Variants in MACROD2 observed in about 807,000 individuals in gnomAD.
MACROD2 encodes the protein mono-ADP ribosylhydrolase 2, also known as ADP-ribose glycohydrolase MACROD2.
Under a neutral mutation model 70.4 loss-of-function variants are expected in MACROD2, and 36 were observed. The observed-to-expected ratio is 0.51, with a 90% CI of 0.39 to 0.68. The LOEUF is 0.68. Ranked by LOEUF, MACROD2 falls within the 30% of genes least tolerant of loss-of-function variation. The pLI, the probability that MACROD2 is intolerant of heterozygous loss-of-function variation, is 0.00. For synonymous variants in MACROD2, 172 were observed against 178.8 expected, an observed-to-expected ratio of 0.96 and a Z score of 0.30; for missense variants, 496 against 538.4, an observed-to-expected ratio of 0.92 and a Z score of 0.78.
intron 5 of MACROD2, among the ~76,000 whole-genome samples, chr20:14,790,689 C>A (rs1005123780): frequency 6.6e-6 from 1 of 152,054 alleles, no homozygotes; most frequent in African/African-American, 2.4e-5. Flanking sequence ...AAAGTAGACT[C>A]CAAAGACCAA....
chr20:15,384,530 T>A (rs958696893), intron 6 of MACROD2, among the ~76,000 whole-genome samples: 1 of 152,194 alleles, frequency 6.6e-6, no homozygotes, highest in East Asian at 1.9e-4. Flanking sequence ...TGTGAAGGCT[T>A]CTTGAGGACA....
At chr20:14,062,509 C>A (rs1446054336) in intron 2 of MACROD2, among the ~76,000 whole-genome samples, 1 of 152,074 alleles carries the variant, frequency 6.6e-6, no homozygotes, top group African/African-American at 2.4e-5. Flanking sequence ...AGGGAAATGG[C>A]ATTCCAGTTA....
intron 8 of MACROD2, among the ~76,000 whole-genome samples, chr20:15,804,935 G>T (rs552679194): frequency 4.2e-4 from 64 of 152,304 alleles, no homozygotes; most frequent in Non-Finnish European, 7.6e-4. Flanking sequence ...CCAGCAGTGA[G>T]ATAACGCCAA....
At chr20:15,094,034 T>C (rs1259726821) in intron 5 of MACROD2, among the ~76,000 whole-genome samples, 2 of 152,186 alleles carry the variant, frequency 1.3e-5, no homozygotes, top group Admixed American at 1.3e-4. Context: ...GTCCAATCTT[T>C]CTGTTGACCA....
At chr20:15,962,283 A>G (rs1016232308) in intron 12 of MACROD2, among the ~76,000 whole-genome samples, 3 of 152,234 alleles carry the variant, frequency 2.0e-5, no homozygotes, top group African/African-American at 7.2e-5. Flanking sequence ...CAAAGAGATA[A>G]TTTGAGCAAA....
intron 8 of MACROD2, among the ~76,000 whole-genome samples, chr20:15,734,078 G>T (rs951093002): frequency 6.6e-6 from 1 of 152,176 alleles, no homozygotes; most frequent in Non-Finnish European, 1.5e-5. Flanking sequence ...AAGGGAGAGG[G>T]GGCAGGAATA....
At chr20:15,425,032 A>G (rs2046279557) in intron 6 of MACROD2, among the ~76,000 whole-genome samples, 1 of 152,206 alleles carries the variant, frequency 6.6e-6, no homozygotes, top group Non-Finnish European at 1.5e-5. Flanking sequence ...ATGAAAAAAG[A>G]AAGAGCTACG....
At chr20:14,519,627 T>G (rs1010093407) in intron 4 of MACROD2, among the ~76,000 whole-genome samples, 2 of 152,128 alleles carry the variant, frequency 1.3e-5, no homozygotes, top group Non-Finnish European at 2.9e-5. Flanking sequence ...TTTTTGTAAA[T>G]TAGTTCAGCC....
At chr20:15,070,049 C>T (rs1326458565) in intron 5 of MACROD2, among the ~76,000 whole-genome samples, 2 of 152,110 alleles carry the variant, frequency 1.3e-5, no homozygotes, top group African/African-American at 2.4e-5. Context: ...AGGCTGCACC[C>T]TACAAAGCTA....
At chr20:15,819,788 T>C (rs551261374) in intron 8 of MACROD2, among the ~76,000 whole-genome samples, 2 of 152,078 alleles carry the variant, frequency 1.3e-5, no homozygotes, top group East Asian at 3.9e-4. Context: ...AATGGAGAGA[T>C]ATAGGTCAAC....
At chr20:14,876,610 A>G (rs1486245616) in intron 5 of MACROD2, among the ~76,000 whole-genome samples, 2 of 152,292 alleles carry the variant, frequency 1.3e-5, no homozygotes, top group African/African-American at 4.8e-5. Context: ...CTTACACTTA[A>G]ATCTTTAATC....
At chr20:15,756,464 A>G (rs534864524) in intron 8 of MACROD2, among the ~76,000 whole-genome samples, 2 of 152,304 alleles carry the variant, frequency 1.3e-5, no homozygotes, top group South Asian at 4.1e-4. Flanking sequence ...TTAACCCCCT[A>G]AGCAGGAGTA....
At chr20:15,909,984 A>C (rs1391632051) in intron 10 of MACROD2, among the ~76,000 whole-genome samples, 1 of 152,200 alleles carries the variant, frequency 6.6e-6, no homozygotes, top group Non-Finnish European at 1.5e-5. Context: ...TGAGAAGATC[A>C]AGAGTAGGTA....
Position 14,303,584 on chromosome 20 carries a change from A to C in MACROD2, c.272-189895A>C, listed in dbSNP as rs538010357. On this transcript the variant is annotated intron_variant, in intron 3 of 17. Transcript: ENST00000684519. The stretch of plus-strand genomic sequence containing the variant: ...TGCAAGTACTGTCTAATTACTGATT[A>C]CCCTCTTTCTGACTCCACCATGTGA... Among the ~76,000 whole-genome samples the C allele has an allele frequency of 5.3e-5, 8 of 152,248 alleles. No individual in the cohort carries two copies. The East Asian group carries it at 1.5e-3, about 29-fold the overall frequency.
intron 8 of MACROD2, among the ~76,000 whole-genome samples, chr20:15,638,236 C>A (rs1284350243): frequency 6.6e-6 from 1 of 152,192 alleles, no homozygotes; most frequent in East Asian, 1.9e-4. Flanking sequence ...TGTTCCTCCC[C>A]CTTTGCCCTC....
intron 4 of MACROD2, chr20:14,628,931 T>A (rs1207010365): frequency 6.6e-6 from 1 of 152,240 alleles, no homozygotes; most frequent in African/African-American, 2.4e-5. Flanking sequence ...ATTGTGAATT[T>A]CTTTGGAACT....
intron 8 of MACROD2, among the ~76,000 whole-genome samples, chr20:15,832,466 G>A (rs1012897998): frequency 1.3e-5 from 2 of 152,148 alleles, no homozygotes. Flanking sequence ...CAGAAGCCAA[G>A]GTCATTAGAC....
chr20:14,567,854 T>C (rs549885377), intron 4 of MACROD2, among the ~76,000 whole-genome samples: 34 of 152,202 alleles, frequency 2.2e-4, no homozygotes, highest in African/African-American at 7.5e-4. Flanking sequence ...TCTAATTCTA[T>C]CTGTTAAGCT....
chr20:14,730,300 A>C (rs1471318789), intron 5 of MACROD2, among the ~76,000 whole-genome samples: 1 of 152,188 alleles, frequency 6.6e-6, no homozygotes, highest in East Asian at 1.9e-4. Flanking sequence ...CCCAAGCAGG[A>C]AAAAGAAAAA....
Sources: gnomAD v4.1 joint callset for allele counts (sites outside exome capture counted in the v4.1 genomes callset) on GRCh38, gnomAD v4.1.1 for gene constraint, MANE v1.5 for transcripts, NCBI Gene and HGNC (gene_info 2026-07-23, HGNC 2026-07-21) for gene names.